The following USH2A variants were observed in gnomAD, a reference collection of about 807,000 sequenced individuals.
The protein encoded by USH2A is usherin, also known as Usher syndrome 2A (autosomal recessive, mild).
In USH2A, 443 loss-of-function variants were observed where a neutral mutation model predicts 538.9. The ratio of observed to expected loss-of-function variants is 0.82; its 90% confidence interval spans 0.76 to 0.89. The LOEUF is 0.89. Among genes scored for constraint, USH2A ranks in the 40% least tolerant of loss-of-function variants. The pLI is 0.00. For missense variants in USH2A, 6,633 were observed against 6,324.8 expected (o/e 1.05, Z -1.65); for synonymous variants, 2,413 against 2,273.5 (o/e 1.06, Z -1.75).
chr1:216,330,438 G>A (rs1404837178), intron 4 of USH2A, among the ~76,000 whole-genome samples: 1 of 151,940 alleles, frequency 6.6e-6, no homozygotes, highest in Non-Finnish European at 1.5e-5. Flanking sequence ...CAGGGGAATG[G>A]GAATGAGTCA....
chr1:215,649,581 A>C (rs1428892832), intron 65 of USH2A, among the ~76,000 whole-genome samples: 1 of 152,238 alleles, frequency 6.6e-6, no homozygotes, highest in African/African-American at 2.4e-5. Context: ...ATCTATATTT[A>C]TTGAGTACGA....
chr1:216,147,163 C>A (rs888077397), intron 21 of USH2A, among the ~76,000 whole-genome samples: 1 of 152,016 alleles, frequency 6.6e-6, no homozygotes, highest in East Asian at 1.9e-4. Flanking sequence ...CCCCAAGCAT[C>A]GCTGAGTCTT....
chr1:216,310,098 ATC>A (rs1478609166), intron 9 of USH2A, among the ~76,000 whole-genome samples: 14 of 152,046 alleles, frequency 9.2e-5, no homozygotes, highest in African/African-American at 2.9e-4. Context: ...CATTCTAACA[ATC>A]TCTCTCTTTT....
chr1:215,763,277 C>T (rs2797228), intron 56 of USH2A, among the ~76,000 whole-genome samples: 98,220 of 152,046 alleles, frequency 0.65, 34,714 homozygotes, highest in Non-Finnish European at 0.79. Context: ...ATGATACATG[C>T]TTTAAGAGAA....
chr1:215,773,512 G>C (rs6661328), intron 55 of USH2A, among the ~76,000 whole-genome samples: 13,577 of 94,450 alleles, frequency 0.14, 1,246 homozygotes, highest in African/African-American at 0.39. Context: ...CTCTCTCTCT[G>C]TCTCTCTCTC....
chr1:216,072,133 T>A (rs2102547884), intron 29 of USH2A, among the ~76,000 whole-genome samples: 1 of 152,306 alleles, frequency 6.6e-6, no homozygotes, highest in East Asian at 1.9e-4. Flanking sequence ...TGCTGAGACA[T>A]AAGTGGCAAT....
intron 13 of USH2A, among the ~76,000 whole-genome samples, chr1:216,246,138 T>C (rs1176349041): frequency 6.6e-6 from 1 of 152,214 alleles, no homozygotes; most frequent in Non-Finnish European, 1.5e-5. Context: ...TATTTCTATA[T>C]AAAACTAGAA....
chr1:215,993,539 CAG>C (rs915658771), intron 34 of USH2A, among the ~76,000 whole-genome samples: 1 of 149,776 alleles, frequency 6.7e-6, no homozygotes, highest in African/African-American at 2.5e-5. Context: ...CACACACACA[CAG>C]CATGTGTACA....
intron 21 of USH2A, among the ~76,000 whole-genome samples, chr1:216,132,946 G>A (rs528971897): frequency 1.3e-5 from 2 of 152,060 alleles, no homozygotes; most frequent in Non-Finnish European, 1.5e-5. Context: ...AGTGGGATAA[G>A]AATTCATTTT....
intron 69 of USH2A, 144 bp downstream of exon 69, chr1:215,639,011 A>T: frequency 1.1e-6 from 1 of 876,134 alleles, no homozygotes; most frequent in Non-Finnish European, 1.8e-6. Flanking sequence ...AAACAAAAAA[A>T]AAAACTCTGA....
At chr1:215,947,778 C>T (rs140615906) in intron 37 of USH2A, among the ~76,000 whole-genome samples, 55 of 152,148 alleles carry the variant, frequency 3.6e-4, no homozygotes, top group African/African-American at 1.3e-3. Flanking sequence ...CATAAAAAAG[C>T]TTTTAAAAAA....
intron 47 of USH2A, among the ~76,000 whole-genome samples, chr1:215,834,415 T>G (rs28477637): frequency 0.37 from 56,908 of 151,990 alleles, 11,350 homozygotes; most frequent in Admixed American, 0.52. Context: ...TTAAATGCAT[T>G]ATGCTAACTA....
intron 32 of USH2A, among the ~76,000 whole-genome samples, chr1:216,001,547 CA>C (rs1217516694): frequency 1.3e-5 from 2 of 152,274 alleles, no homozygotes; most frequent in African/African-American, 4.8e-5. Flanking sequence ...AAAGTTCAGT[CA>C]GGTGTACCAA....
At chr1:215,766,858 TA>T in intron 55 of USH2A, 70 bp from the exon 56 acceptor site, 1 of 1,383,222 alleles carries the variant, frequency 7.2e-7, no homozygotes, top group Non-Finnish European at 1.0e-6. Context: ...GTACCAGAAG[TA>T]ACATGCAGAG....
At chr1:215,899,830 T>A (rs377413290) in intron 40 of USH2A, among the ~76,000 whole-genome samples, 14 of 152,258 alleles carry the variant, frequency 9.2e-5, no homozygotes, top group African/African-American at 3.4e-4. Flanking sequence ...TGGGGCCATA[T>A]CATAATTTAT....
At chr1:215,761,971 A>G (rs1302922607) in intron 56 of USH2A, among the ~76,000 whole-genome samples, 3 of 152,196 alleles carry the variant, frequency 2.0e-5, no homozygotes, top group Non-Finnish European at 4.4e-5. Flanking sequence ...ACACTTTTAG[A>G]AGAAAAATTT....
intron 19 of USH2A, chr1:216,195,599 A>G (rs1223725162): frequency 6.6e-6 from 1 of 152,164 alleles, no homozygotes; most frequent in Non-Finnish European, 1.5e-5. Context: ...ACAATATGGC[A>G]GTGGCTTGGA....
chr1:215,802,628 G>A (rs1284686883), intron 49 of USH2A, among the ~76,000 whole-genome samples: 5 of 152,018 alleles, frequency 3.3e-5, no homozygotes, highest in Non-Finnish European at 7.4e-5. Context: ...TAAGAATATG[G>A]AGAAATTGGC....
chr1:215,758,802 T>C, intron 57 of USH2A, 50 bp from the exon 58 acceptor site: 6 of 1,583,156 alleles, frequency 3.8e-6, no homozygotes, highest in Non-Finnish European at 5.2e-6. Context: ...CACAAGAGAC[T>C]TGAACAATGA....
Sources: allele counts gnomAD v4.1 joint callset (sites outside exome capture counted in the v4.1 genomes callset), GRCh38; gene constraint gnomAD v4.1.1; transcripts MANE v1.5; gene names NCBI Gene and HGNC (gene_info 2026-07-23, HGNC 2026-07-21).